Variants in BTBD9 observed in about 807,000 individuals in gnomAD.
BTBD9 encodes BTB domain containing 9.
A neutral mutation model predicts 64.3 loss-of-function variants in BTBD9; 49 were observed. The ratio of observed to expected loss-of-function variants is 0.76; its 90% CI spans 0.61 to 0.97. The LOEUF is 0.97. Among genes scored for constraint, BTBD9 ranks in the 50% least tolerant of loss-of-function variants. The pLI, the probability that BTBD9 is intolerant of heterozygous loss-of-function variation, is 0.00. For synonymous variants in BTBD9, 260 were observed against 274.7 expected (o/e 0.95, Z 0.53); for missense variants, 598 against 762.1 (o/e 0.78, Z 2.53).
intron 6 of BTBD9, among the ~76,000 whole-genome samples, chr6:38,425,467 C>G (rs1309063766): frequency 5.9e-5 from 9 of 151,714 alleles, no homozygotes; most frequent in Admixed American, 5.9e-4. Flanking sequence ...CATTTAATTT[C>G]TACCAGTTTC....
At chr6:38,201,561 G>A (rs763714232) in intron 9 of BTBD9, among the ~76,000 whole-genome samples, 4 of 152,122 alleles carry the variant, frequency 2.6e-5, no homozygotes, top group Non-Finnish European at 2.9e-5. Context: ...CTCACCACTC[G>A]TATTCAACAT....
At chr6:38,598,293 G>C (rs1301832002) in intron 1 of BTBD9, among the ~76,000 whole-genome samples, 172 bp from the exon 2 acceptor site, 1 of 152,110 alleles carries the variant, frequency 6.6e-6, no homozygotes, top group Non-Finnish European at 1.5e-5. Flanking sequence ...AATTCAGCCT[G>C]CTTCCCTTAA....
intron 7 of BTBD9, among the ~76,000 whole-genome samples, chr6:38,334,200 A>G (rs146884674): frequency 1.3e-5 from 2 of 152,188 alleles, no homozygotes; most frequent in Admixed American, 6.5e-5. Context: ...TGCATTCAAG[A>G]TATGTCCTGG....
intron 6 of BTBD9, among the ~76,000 whole-genome samples, chr6:38,425,977 C>T (rs1768130379): frequency 6.7e-6 from 1 of 150,088 alleles, no homozygotes; most frequent in Non-Finnish European, 1.5e-5. Context: ...CAAGCCCAGA[C>T]CAGAAGCTAT....
chr6:38,267,932 T>TC lies in BTBD9; in HGVS notation c.1455-11417dup, dbSNP rs1229187111. ...TCCAGCCTGGGTGACAGAGCGAGACTCCGTCTCAAAAAACAAAACAAAACA... is the reference window on the plus strand; with the variant it reads ...TCCAGCCTGGGTGACAGAGCGAGACTCCCGTCTCAAAAAACAAAACAAAACA... On this transcript the variant is annotated intron_variant, in intron 8 of 10. Transcript: ENST00000481247. 8.5e-5 allele frequency among the ~76,000 whole-genome samples: 13 copies of TC among 152,054 alleles called. No homozygotes were observed. In the East Asian group the frequency reaches 2.5e-3, roughly 29 times the overall value.
At chr6:38,302,781 C>T (rs1466137962) in intron 7 of BTBD9, among the ~76,000 whole-genome samples, 1 of 151,870 alleles carries the variant, frequency 6.6e-6, no homozygotes, top group East Asian at 1.9e-4. Flanking sequence ...AAGAGTTCCC[C>T]CTTTCTCCAC....
chr6:38,590,267 T>G (rs1452053299), intron 4 of BTBD9, among the ~76,000 whole-genome samples: 1 of 152,134 alleles, frequency 6.6e-6, no homozygotes, highest in African/African-American at 2.4e-5. Flanking sequence ...AAAAAACACA[T>G]CATAATGATA....
At chr6:38,499,829 G>A (rs923828470) in intron 6 of BTBD9, among the ~76,000 whole-genome samples, 5 of 152,280 alleles carry the variant, frequency 3.3e-5, no homozygotes, top group Admixed American at 3.3e-4. Context: ...ACGATATTCT[G>A]TTGACATCTT....
chr6:38,389,118 A>T (rs75749413), intron 6 of BTBD9, among the ~76,000 whole-genome samples: 1,814 of 152,312 alleles, frequency 0.012, 16 homozygotes, highest in Non-Finnish European at 0.017. Flanking sequence ...AGAGGTGAGG[A>T]TTTAACAAAG....
chr6:38,185,610 G>A (rs1761782646), intron 10 of BTBD9, among the ~76,000 whole-genome samples: 1 of 152,182 alleles, frequency 6.6e-6, no homozygotes, highest in Admixed American at 6.5e-5. Context: ...TGCCAAAACT[G>A]TATGCTATAA....
chr6:38,344,823 A>G (rs1764220360), intron 7 of BTBD9, among the ~76,000 whole-genome samples, 161 bp downstream of exon 7: 1 of 152,214 alleles, frequency 6.6e-6, no homozygotes, highest in African/African-American at 2.4e-5. Flanking sequence ...ACTATATTGA[A>G]TACTTCTAAA....
intron 6 of BTBD9, among the ~76,000 whole-genome samples, chr6:38,570,306 G>C (rs561230158): frequency 2.0e-5 from 3 of 152,280 alleles, no homozygotes; most frequent in African/African-American, 7.2e-5. Context: ...CTACTCTAAG[G>C]TAGAGCTATT....
At chr6:38,496,504 C>G (rs767030321) in intron 6 of BTBD9, among the ~76,000 whole-genome samples, 17 of 151,762 alleles carry the variant, frequency 1.1e-4, no homozygotes, top group Non-Finnish European at 2.4e-4. Context: ...ATTAAATTAG[C>G]TGGGCACGGT....
chr6:38,438,046 T>C (rs1192001134), intron 6 of BTBD9, among the ~76,000 whole-genome samples: 1 of 151,978 alleles, frequency 6.6e-6, no homozygotes, highest in Admixed American at 6.6e-5. Flanking sequence ...AGGGATCTCC[T>C]GGGATACGAA....
At chr6:38,563,408 C>G (rs1775335683) in intron 6 of BTBD9, among the ~76,000 whole-genome samples, 1 of 152,166 alleles carries the variant, frequency 6.6e-6, no homozygotes, top group Non-Finnish European at 1.5e-5. Flanking sequence ...ACAAGACCAC[C>G]ACTCCTCTCC....
intron 6 of BTBD9, among the ~76,000 whole-genome samples, chr6:38,512,957 G>C (rs1447907066): frequency 1.3e-5 from 2 of 152,098 alleles, no homozygotes; most frequent in African/African-American, 4.8e-5. Context: ...ATAATAAGAA[G>C]CTAGTAAAAA....
chr6:38,227,851 G>T (rs1424521221), intron 9 of BTBD9, among the ~76,000 whole-genome samples: 6 of 152,176 alleles, frequency 3.9e-5, no homozygotes, highest in Non-Finnish European at 8.8e-5. Context: ...ATGCTGTGTG[G>T]TCTTTTCTTC....
intron 9 of BTBD9, among the ~76,000 whole-genome samples, chr6:38,203,351 T>C (rs567415562): frequency 1.3e-4 from 20 of 152,220 alleles, no homozygotes; most frequent in Admixed American, 1.2e-3. Context: ...TGGATAAATT[T>C]CTGGAAACAT....
chr6:38,192,671 T>C lies in BTBD9; in HGVS notation c.1563-74A>G, dbSNP rs1355938713. 22 of 1,356,370 alleles carry C rather than the reference T, an allele frequency of 1.6e-5. No individual in the cohort carries two copies. In the African/African-American group the frequency reaches 2.1e-4, roughly 13 times the overall value. 84.0% of individuals were successfully genotyped at this position (1,356,370 alleles called of 1,614,324 possible). On this transcript the variant is annotated intron_variant, in intron 9 of 10. Coordinates refer to ENST00000481247, the MANE Select transcript of BTBD9 (RefSeq NM_001099272.2). The stretch of plus-strand genomic sequence containing the variant: ...TCTGGTAGTGTGGCCGATGGAGTCA[T>C]GTCCACTGAGGAGGGAGGGCTTCCT...
Sources: gnomAD v4.1 joint callset for allele counts (sites outside exome capture counted in the v4.1 genomes callset) on GRCh38, gnomAD v4.1.1 for gene constraint, MANE v1.5 for transcripts, NCBI Gene and HGNC (gene_info 2026-07-23, HGNC 2026-07-21) for gene names.